The following TEPSIN variants were observed in gnomAD, a reference collection of about 807,000 sequenced individuals.
TEPSIN encodes AP-4 complex accessory subunit tepsin.
A neutral mutation model predicts 48.5 loss-of-function variants in TEPSIN; 50 were observed. That is an observed-to-expected ratio of 1.03 (90% CI 0.82 to 1.31). TEPSIN has a LOEUF of 1.31. TEPSIN is among the 50% of genes most tolerant of loss of function. The probability of loss-of-function intolerance (pLI) is 0.00; values close to 1 mark genes in which losing one functional copy is unlikely to be tolerated. For missense variants in TEPSIN, 838 were observed against 815.9 expected, an observed-to-expected ratio of 1.03 and a Z score of -0.33; for synonymous variants, 392 against 358.8, an observed-to-expected ratio of 1.09 and a Z score of -1.05.
At chr17:81,231,302 T>C (rs2062599456) in intron 11 of TEPSIN, 96 bp downstream of exon 11, 1 of 1,274,876 alleles carries the variant, frequency 7.8e-7, no homozygotes, top group African/African-American at 1.5e-5. Flanking sequence ...CACACAGGTG[T>C]GCACACAGGC....
chr17:81,230,738 C>A lies in TEPSIN; in HGVS notation c.1099-60G>T. ...GGGCAGCAGGTCCACGCCAGGGAGG[C>A]CTATTTGGCCATCTCTCTCCCTCTT... On this transcript the variant is annotated intron_variant, in intron 11 of 12. Transcript: ENST00000637944. The surrounding 1 kb of genome is among the most constrained non-coding windows in gnomAD (Gnocchi z 4.2). 1 of 1,460,928 alleles carries A rather than the reference C, an allele frequency of 6.8e-7. No individual in the cohort carries two copies. The highest frequency in any genetic ancestry group is 1.4e-5 in the South Asian group (1 of 69,586). 90.5% of individuals were successfully genotyped at this position (1,460,928 alleles called of 1,614,324 possible).
chr17:81,229,626 G>A, intron 12 of TEPSIN, 150 bp from the exon 13 acceptor site: 1 of 812,242 alleles, frequency 1.2e-6, no homozygotes, highest in Non-Finnish European at 1.9e-6. Flanking sequence ...GGAGGGGCTG[G>A]GGCAGTGCAC....
chr17:81,236,675 G>A, intron 4 of TEPSIN, 33 bp downstream of exon 4: 3 of 1,544,072 alleles, frequency 1.9e-6, no homozygotes, highest in South Asian at 1.2e-5. Context: ...CCAAAGCCCT[G>A]GCTCTTCCTG....
chr17:81,233,457 G>A lies in TEPSIN; in HGVS notation c.501C>T (p.Gly167=). 6.2e-7 allele frequency: 1 copy of A among 1,611,154 alleles called. No homozygotes were observed. The part of the protein sequence containing the change: ...ARPHSTLQGF[G]YSKEHGRTGS... ...CCGTGCGGCCGTGTTCCTTGCTGTA[G>A]CCGAAACCCTGGAGGGTGCTGTGCG... The change falls in exon 7 of 13, where the codon GGC becomes GGT. Residue 167 remains glycine, a synonymous_variant. Coordinates refer to ENST00000637944, the MANE Select transcript of TEPSIN (RefSeq NM_001363764.2). The surrounding 1 kb of genome is among the most constrained non-coding windows in gnomAD (Gnocchi z 5.8).
At chr17:81,232,129 A>G in intron 8 of TEPSIN, 108 bp from the exon 9 acceptor site, 1 of 1,409,364 alleles carries the variant, frequency 7.1e-7, no homozygotes, top group Non-Finnish European at 9.4e-7. Flanking sequence ...TCCTGAGCTG[A>G]GGATGGGTGG....
Position 81,228,609 on chromosome 17 carries a change from G to T in TEPSIN, c.*319C>A. 2.4e-6 allele frequency: 1 copy of T among 411,816 alleles called. No homozygotes were observed. The highest frequency in any genetic ancestry group is 4.3e-6 in the Non-Finnish European group (1 of 230,486). 25.5% of individuals were successfully genotyped at this position (411,816 alleles called of 1,614,324 possible). A position where few individuals can be genotyped will look rare whatever the true frequency, so the allele number is the denominator to read the frequency against. ...GGAAGGAGGGAGCTGAGATCAAAAT[G>T]AAATAAGGAACCTGGTAGTCGCTTC... is the stretch of plus-strand genomic sequence containing the variant. On this transcript the variant is annotated 3_prime_UTR_variant, in exon 13 of 13. Coordinates refer to ENST00000637944, the MANE Select transcript of TEPSIN (RefSeq NM_001363764.2).
At chr17:81,231,315 A>C (rs565507389) in intron 11 of TEPSIN, 83 bp downstream of exon 11, 2 of 1,322,266 alleles carry the variant, frequency 1.5e-6, no homozygotes, top group African/African-American at 2.9e-5. Context: ...ACACAGGCAC[A>C]CGTGCACACA....
At chr17:81,229,592 C>T (rs1169602080) in intron 12 of TEPSIN, 116 bp from the exon 13 acceptor site, 4 of 1,140,094 alleles carry the variant, frequency 3.5e-6, no homozygotes, top group Non-Finnish European at 5.0e-6. Context: ...GCAGGGCCAC[C>T]TCTGGGCAGG....
chr17:81,230,489 A>T lies in TEPSIN; in HGVS notation c.1233+55T>A. 6.3e-7 allele frequency: 1 copy of T among 1,597,936 alleles called. No homozygotes were observed. The highest frequency in any genetic ancestry group is 1.1e-5 in the South Asian group (1 of 90,162). ...ACGGGGTGGCCGTGGACTGCAGCGT[A>T]TCTCCCACTGTACCCTTGGACCCCG... is the stretch of plus-strand genomic sequence containing the variant. On this transcript the variant is annotated intron_variant, in intron 12 of 12. Coordinates refer to ENST00000637944, the MANE Select transcript of TEPSIN (RefSeq NM_001363764.2). The surrounding 1 kb of genome is among the most constrained non-coding windows in gnomAD (Gnocchi z 4.2).
chr17:81,237,533 G>C (rs902298799), intron 1 of TEPSIN, 74 bp from the exon 2 acceptor site: 27 of 1,473,316 alleles, frequency 1.8e-5, no homozygotes, highest in African/African-American at 4.2e-5. Flanking sequence ...CCCCCCAAAG[G>C]GGATGGAAAC....
intron 1 of TEPSIN, chr17:81,238,661 C>A (rs2062769736): frequency 1.7e-6 from 2 of 1,173,652 alleles, no homozygotes; most frequent in Non-Finnish European, 2.1e-6. Flanking sequence ...ACGGACACAG[C>A]GGCTCCACGT....
In TEPSIN at chr17:81,228,895, T is replaced by C. The variant is rs1330371660; in HGVS notation, c.*33A>G. ...AGCACAGACCGCCCCAGACAGCAGC[T>C]GAAGCTGAAGACTCCAGGGCCAGGC... On this transcript the variant is annotated 3_prime_UTR_variant, in exon 13 of 13. Transcript: ENST00000637944. 2 of 1,610,370 alleles carry C rather than the reference T, an allele frequency of 1.2e-6. No individual in the cohort carries two copies. The highest frequency in any genetic ancestry group is 1.7e-6 in the Non-Finnish European group (2 of 1,179,460).
Position 81,230,614 on chromosome 17 carries a change from A to G in TEPSIN, c.1163T>C (p.Leu388Pro). ...SDLLPQEHIL[L>P]RTRPWLQELS... ...CTCCTGCAGCCACGGCCGGGTGCGG[A>G]GGAGGATGTGCTCCTGGGGGAGGAG... Residue 388 changes from leucine to proline, a missense_variant, in exon 12 of 13, where the codon CTC becomes CCC. By Grantham distance (98) the Leu-to-Pro change is moderately conservative. Coordinates refer to ENST00000637944, the MANE Select transcript of TEPSIN (RefSeq NM_001363764.2). This position sits in a 1 kb window ranked among gnomAD's most constrained non-coding sequence, Gnocchi z 4.2. 1.2e-6 allele frequency: 2 copies of G among 1,606,608 alleles called. No homozygotes were observed. The highest frequency in any genetic ancestry group is 1.7e-6 in the Non-Finnish European group (2 of 1,176,452).
At position 81,237,067 on chromosome 17, in the gene TEPSIN, G is replaced by A. The variant is rs1234379431; in HGVS notation, c.126C>T (p.Ile42=). The A allele has an allele frequency of 2.5e-6, 4 of 1,589,380 alleles. No homozygotes were observed. The highest frequency in any genetic ancestry group is 3.4e-6 in the Non-Finnish European group (4 of 1,168,130). The part of the protein sequence containing the change: ...PGYLFEEIAK[I]SHESPGSSQC... The stretch of plus-strand genomic sequence containing the variant: ...GGCTGCTGCCCGGAGACTCGTGGGA[G>A]ATTTCTGCGGCACGCTCGGGTTAGG... The change falls in exon 3 of 13, where the codon ATC becomes ATT. Residue 42 remains isoleucine (I), a synonymous_variant. Coordinates refer to ENST00000637944, the MANE Select transcript of TEPSIN (RefSeq NM_001363764.2).
At position 81,230,816 on chromosome 17, in the gene TEPSIN, C is replaced by T. The variant is rs1317666514; in HGVS notation, c.1099-138G>A. On this transcript the variant is annotated intron_variant, in intron 11 of 12. Transcript: ENST00000637944. This position sits in a 1 kb window ranked among gnomAD's most constrained non-coding sequence, Gnocchi z 4.2. ...CAGGAGGCCCCAGAGACAGCTCCAC[C>T]ACAGCCCTGTCCTCACCGCCTTACA... is the stretch of plus-strand genomic sequence containing the variant. 18 of 1,156,168 alleles carry T rather than the reference C, an allele frequency of 1.6e-5. No homozygotes were observed. In the African/African-American group the frequency reaches 2.4e-4, roughly 15 times the overall value. 71.6% of individuals were successfully genotyped at this position (1,156,168 alleles called of 1,614,324 possible).
Position 81,228,944 on chromosome 17 carries a change from G to A in TEPSIN, c.1766C>T (p.Ala589Val), listed in dbSNP as rs771790194. 25 of 1,613,448 alleles carry A rather than the reference G, an allele frequency of 1.5e-5. No individual in the cohort carries two copies. The African/African-American group carries it at 2.7e-4, about 17-fold the overall frequency. ...GCCATCGGGTCAGGCGTTCAGGAAC[G>A]CGAAAGCTGACGGCTCTGAGCCAGG... is the stretch of plus-strand genomic sequence containing the variant. ...EPPGSEPSAF[A>V]FLNA Residue 589 changes from alanine (A) to valine (V), a missense_variant, in exon 13 of 13, where the codon GCG becomes GTG. Ala to Val is a moderately conservative substitution (Grantham distance 64). Coordinates refer to ENST00000637944, the MANE Select transcript of TEPSIN (RefSeq NM_001363764.2).
At chr17:81,236,025 G>A (rs1388496691) in intron 4 of TEPSIN, among the ~76,000 whole-genome samples, 2 of 152,176 alleles carry the variant, frequency 1.3e-5, no homozygotes, top group African/African-American at 4.8e-5. Flanking sequence ...CCCCACTCAG[G>A]GGCTGGGGTG....
At chr17:81,237,365 CG>C in intron 2 of TEPSIN, 21 bp downstream of exon 2, 2 of 1,607,722 alleles carry the variant, frequency 1.2e-6, no homozygotes, top group Non-Finnish European at 1.7e-6. Context: ...TTCCACTACA[CG>C]GGGACATCAA....
rs1200201593 is a variant in TEPSIN, at chr17:81,229,240, G to A, written c.1470C>T (p.Ala490=). 6.3e-7 allele frequency: 1 copy of A among 1,577,886 alleles called. No homozygotes were observed. The highest frequency in any genetic ancestry group is 2.3e-5 in the East Asian group (1 of 43,674). Residue 490 remains alanine, a synonymous_variant, in exon 13 of 13, where the codon GCC becomes GCT. Transcript: ENST00000637944. ...GGTCTCCGGGGGCTGGAATGGGGGA[G>A]GCATCTGGGGGTGGGGTGGGCACAG... ...SSPVPTPPPD[A]SPIPAPGDPS...
Sources: gnomAD v4.1 joint callset for allele counts (sites outside exome capture counted in the v4.1 genomes callset) on GRCh38, gnomAD v4.1.1 for gene constraint, Gnocchi (gnomAD v3.1) non-coding constraint, MANE v1.5 for transcripts, NCBI Gene and HGNC (gene_info 2026-07-23, HGNC 2026-07-21) for gene names.